VPS13B: variants seen among roughly 807,000 people sequenced by gnomAD.
The protein encoded by VPS13B is vacuolar protein sorting 13 homolog B.
In VPS13B, 285 loss-of-function variants were observed where a neutral mutation model predicts 426.4. The ratio of observed to expected loss-of-function variants is 0.67; its 90% CI spans 0.61 to 0.74. VPS13B has a LOEUF of 0.74. Among genes scored for constraint, VPS13B ranks in the 30% least tolerant of loss-of-function variants. The pLI, the probability that VPS13B is intolerant of heterozygous loss-of-function variation, is 0.00. For synonymous variants in VPS13B, 1,676 were observed against 1,676.4 expected (o/e 1.00, Z 0.01); for missense variants, 4,537 against 4,782.6 (o/e 0.95, Z 1.51).
At chr8:99,057,661 C>G (rs1843953691) in intron 3 of VPS13B, among the ~76,000 whole-genome samples, 2 of 152,108 alleles carry the variant, frequency 1.3e-5, no homozygotes, top group African/African-American at 4.8e-5. Context: ...CTAAATGGGC[C>G]TTCACCTATA....
intron 21 of VPS13B, among the ~76,000 whole-genome samples, chr8:99,416,179 C>T (rs943298988): frequency 6.6e-6 from 1 of 152,180 alleles, no homozygotes; most frequent in Non-Finnish European, 1.5e-5. Context: ...GTGGGCTCTT[C>T]CCAGTTCAGA....
chr8:99,726,680 A>G (rs1833362995), intron 39 of VPS13B, among the ~76,000 whole-genome samples: 3 of 152,116 alleles, frequency 2.0e-5, no homozygotes, highest in Admixed American at 2.0e-4. Flanking sequence ...TAAGATTGAA[A>G]ATGCCTTTTT....
intron 30 of VPS13B, among the ~76,000 whole-genome samples, chr8:99,532,922 A>C (rs1195586237): frequency 1.3e-5 from 2 of 150,482 alleles, no homozygotes; most frequent in African/African-American, 2.4e-5. Context: ...TAAATGCATA[A>C]TCAATTCACT....
intron 60 of VPS13B, chr8:99,871,180 G>A: frequency 3.3e-6 from 2 of 607,032 alleles, no homozygotes; most frequent in Admixed American, 5.9e-5. Flanking sequence ...TGTGGAACCA[G>A]CACTCTAATT....
chr8:99,236,084 G>A (rs775674747), intron 17 of VPS13B, among the ~76,000 whole-genome samples: 1 of 152,112 alleles, frequency 6.6e-6, no homozygotes, highest in Non-Finnish European at 1.5e-5. Context: ...CTCACTCATG[G>A]TATACCATGG....
At chr8:99,104,035 A>G (rs1018783637) in intron 5 of VPS13B, among the ~76,000 whole-genome samples, 4 of 152,218 alleles carry the variant, frequency 2.6e-5, no homozygotes, top group Admixed American at 1.3e-4. Context: ...GCTTAACAAC[A>G]GGGACATATT....
intron 17 of VPS13B, among the ~76,000 whole-genome samples, chr8:99,250,429 G>C (rs967070073): frequency 6.6e-6 from 1 of 151,920 alleles, no homozygotes; most frequent in African/African-American, 2.4e-5. Context: ...AGAACTCTCT[G>C]CCTAACTCAG....
rs375829393 is a variant in VPS13B, at chr8:99,799,101, C to G, written c.7942-10274C>G. Reference sequence around the variant, plus strand: ...TATTTCCGTGCTTTTAAATTATTTCCAGAATATTGAAGAGCTTGTTATTTA... The same window carrying G: ...TATTTCCGTGCTTTTAAATTATTTCGAGAATATTGAAGAGCTTGTTATTTA... On this transcript the variant is annotated intron_variant, in intron 43 of 61. Transcript: ENST00000357162. 6.6e-5 allele frequency: 10 copies of G among 152,210 alleles called. No homozygotes were observed. The East Asian group carries it at 1.9e-3, about 29-fold the overall frequency. The allele number at this position is 152,210 out of a possible 1,614,324, so 9.4% of individuals were successfully genotyped here.
At chr8:99,808,918 A>G (rs1381551245) in intron 43 of VPS13B, among the ~76,000 whole-genome samples, 1 of 152,024 alleles carries the variant, frequency 6.6e-6, no homozygotes, top group East Asian at 1.9e-4. Context: ...TCAAACTGCT[A>G]TTTTGTTCTT....
intron 17 of VPS13B, among the ~76,000 whole-genome samples, chr8:99,220,099 ATTGT>A (rs1292419326): frequency 6.6e-6 from 1 of 152,186 alleles, no homozygotes; most frequent in African/African-American, 2.4e-5. Flanking sequence ...GGTAGTTGTC[ATTGT>A]TTGTTTCCTG....
At chr8:99,216,963 G>A (rs551858498) in intron 17 of VPS13B, among the ~76,000 whole-genome samples, 10 of 152,110 alleles carry the variant, frequency 6.6e-5, no homozygotes, top group African/African-American at 2.2e-4. Flanking sequence ...TTAAACTTTA[G>A]GCTATTATCA....
Position 99,853,890 on chromosome 8 carries a change from T to G in VPS13B, c.10501T>G (p.Leu3501Val), listed in dbSNP as rs1385686343. The G allele has an allele frequency of 6.2e-7, 1 of 1,614,258 alleles. No individual in the cohort carries two copies. Among genetic ancestry groups the G allele is most frequent in the Non-Finnish European group, 8.5e-7 (1 of 1,180,052 alleles). The change falls in exon 56 of 62, where the codon TTA becomes GTA. Residue 3501 changes from leucine to valine, a missense_variant. Coordinates refer to ENST00000357162, the MANE Select transcript of VPS13B (RefSeq NM_152564.5). The part of the protein sequence containing the change: ...LCDINEFSFE[L>V]KPARLYVEDT... ...TGATATTAATGAGTTCAGCTTTGAA[T>G]TAAAACCTGCTCGGTTATACGTGGA...
intron 8 of VPS13B, among the ~76,000 whole-genome samples, chr8:99,123,122 C>CAAAAAA (rs71273164): frequency 1.3e-4 from 8 of 61,420 alleles, no homozygotes; most frequent in Non-Finnish European, 1.5e-4. Context: ...ACTCTGTCTC[C>CAAAAAA]AAAAAAAAAA....
intron 3 of VPS13B, among the ~76,000 whole-genome samples, chr8:99,040,265 A>G (rs887819202): frequency 6.6e-6 from 1 of 152,198 alleles, no homozygotes; most frequent in African/African-American, 2.4e-5. Flanking sequence ...AATACTTGAT[A>G]TTGGACTATG....
intron 16 of VPS13B, among the ~76,000 whole-genome samples, chr8:99,186,372 C>A (rs938120335): frequency 1.3e-5 from 2 of 151,834 alleles, no homozygotes; most frequent in African/African-American, 2.4e-5. Context: ...TTTAATGACT[C>A]CCCCAAATAG....
Position 99,779,163 on chromosome 8 carries a change from T to G in VPS13B, c.7779+132T>G, listed in dbSNP as rs1056745107. 5 of 928,370 alleles carry G rather than the reference T, an allele frequency of 5.4e-6. No individual in the cohort carries two copies. In the African/African-American group the frequency reaches 8.2e-5, roughly 15 times the overall value. The allele number at this position is 928,370 out of a possible 1,614,324, so 57.5% of individuals were successfully genotyped here. On this transcript the variant is annotated intron_variant, in intron 42 of 61. Transcript: ENST00000357162. ...AGAATGAAGAATTTGATGGGCACCATTATACTTGAGGCCTTCTCTGTTTTG... is the reference window on the plus strand; with the variant it reads ...AGAATGAAGAATTTGATGGGCACCAGTATACTTGAGGCCTTCTCTGTTTTG...
intron 19 of VPS13B, among the ~76,000 whole-genome samples, chr8:99,314,334 AT>A (rs2133109455): frequency 1.3e-5 from 2 of 152,222 alleles, no homozygotes; most frequent in African/African-American, 4.8e-5. Context: ...GTTTTGTGTC[AT>A]AACATGTGAT....
intron 30 of VPS13B, among the ~76,000 whole-genome samples, chr8:99,529,349 G>A (rs1431570989): frequency 1.3e-5 from 2 of 151,968 alleles, no homozygotes; most frequent in Admixed American, 1.3e-4. Context: ...AATGTATTGT[G>A]GTCATCTTTC....
intron 31 of VPS13B, among the ~76,000 whole-genome samples, chr8:99,558,688 C>G (rs1824722940): frequency 6.6e-6 from 1 of 152,086 alleles, no homozygotes; most frequent in Non-Finnish European, 1.5e-5. Flanking sequence ...CAATAGTTTG[C>G]TCACAATGAT....
Sources: gnomAD v4.1 joint callset for allele counts (sites outside exome capture counted in the v4.1 genomes callset) on GRCh38, gnomAD v4.1.1 for gene constraint, MANE v1.5 for transcripts, NCBI Gene and HGNC (gene_info 2026-07-23, HGNC 2026-07-21) for gene names.